CACNA2D1: variants seen among roughly 807,000 people sequenced by gnomAD.
CACNA2D1 encodes calcium voltage-gated channel auxiliary subunit alpha2delta 1.
In CACNA2D1, 53 loss-of-function variants were observed where a neutral mutation model predicts 171.5. The ratio of observed to expected loss-of-function variants is 0.31; its 90% CI spans 0.25 to 0.39. The LOEUF (loss-of-function observed/expected upper bound fraction) is 0.39. Ranked by LOEUF, CACNA2D1 falls within the 10% of genes least tolerant of loss-of-function variation. The pLI, the probability that CACNA2D1 is intolerant of heterozygous loss-of-function variation, is 1.00. For synonymous variants in CACNA2D1, 442 were observed against 443.1 expected (o/e 1.00, Z 0.03); for missense variants, 903 against 1,299.8 (o/e 0.69, Z 4.69).
intron 38 of CACNA2D1, among the ~76,000 whole-genome samples, chr7:81,954,011 T>C (rs1463399878): frequency 6.6e-6 from 1 of 152,094 alleles, no homozygotes; most frequent in Admixed American, 6.6e-5. Context: ...CACTGAAAAA[T>C]GTGTCTTTTA....
At position 82,233,919 on chromosome 7, in the gene CACNA2D1, T is replaced by C. The variant is rs181383647; in HGVS notation, c.295-63310A>G. ...ATTTTTTCTAAGTATATAAAGTTGT[T>C]TCCATAGGTAGGATACAAACCCTCA... On this transcript the variant is annotated intron_variant, in intron 3 of 38. Coordinates refer to ENST00000356860, the MANE Select transcript of CACNA2D1 (RefSeq NM_000722.4). 3.9e-5 allele frequency among the ~76,000 whole-genome samples: 6 copies of C among 152,238 alleles called. No homozygotes were observed. The East Asian group carries it at 9.6e-4, about 24-fold the overall frequency.
chr7:82,183,074 A>C (rs1797319312), intron 3 of CACNA2D1, among the ~76,000 whole-genome samples: 1 of 151,746 alleles, frequency 6.6e-6, no homozygotes, highest in South Asian at 2.1e-4. Flanking sequence ...GGAAGGGTAG[A>C]TAAAATCAAC....
intron 12 of CACNA2D1, among the ~76,000 whole-genome samples, chr7:82,023,278 G>T (rs1281057709): frequency 1.3e-5 from 2 of 151,908 alleles, no homozygotes; most frequent in Non-Finnish European, 2.9e-5. Flanking sequence ...TGTGTGAGGA[G>T]ATTAACATGG....
At chr7:82,106,968 C>G (rs558466899) in intron 6 of CACNA2D1, among the ~76,000 whole-genome samples, 3 of 152,288 alleles carry the variant, frequency 2.0e-5, no homozygotes, top group African/African-American at 7.2e-5. Context: ...TCTTAACTCA[C>G]TGAATGTCCT....
intron 5 of CACNA2D1, among the ~76,000 whole-genome samples, chr7:82,124,733 C>T (rs1790137419): frequency 6.6e-6 from 1 of 152,134 alleles, no homozygotes; most frequent in African/African-American, 2.4e-5. Flanking sequence ...TCTTTCATTG[C>T]TTTCTGCATT....
chr7:82,231,642 A>AT (rs1033359984), intron 3 of CACNA2D1, among the ~76,000 whole-genome samples: 1 of 152,116 alleles, frequency 6.6e-6, no homozygotes, highest in Non-Finnish European at 1.5e-5. Context: ...ACTAGATCAG[A>AT]TTTTTTTAAA....
chr7:82,026,316 C>A (rs755144009), intron 12 of CACNA2D1, among the ~76,000 whole-genome samples: 9 of 151,286 alleles, frequency 5.9e-5, no homozygotes, highest in Non-Finnish European at 1.2e-4. Context: ...TTATTAATGT[C>A]ATTTTGTTAT....
intron 1 of CACNA2D1, among the ~76,000 whole-genome samples, chr7:82,386,267 CTT>C (rs1163008796): frequency 1.3e-5 from 2 of 152,162 alleles, no homozygotes. Flanking sequence ...ATTCTCAACT[CTT>C]ACTTTGAGCT....
At chr7:82,205,581 A>G (rs1799931384) in intron 3 of CACNA2D1, among the ~76,000 whole-genome samples, 2 of 152,184 alleles carry the variant, frequency 1.3e-5, no homozygotes, top group South Asian at 2.1e-4. Context: ...ACACACACAC[A>G]TATTTGCTAT....
intron 18 of CACNA2D1, among the ~76,000 whole-genome samples, chr7:82,004,929 A>C (rs1313732829): frequency 6.6e-6 from 1 of 152,176 alleles, no homozygotes; most frequent in Non-Finnish European, 1.5e-5. Flanking sequence ...GAAGCCCATC[A>C]CATGGATTTT....
At chr7:82,362,031 T>A (rs1261433186) in intron 1 of CACNA2D1, among the ~76,000 whole-genome samples, 1 of 152,182 alleles carries the variant, frequency 6.6e-6, no homozygotes, top group African/African-American at 2.4e-5. Context: ...AACTGAATCA[T>A]ATTCAATCAT....
At position 82,125,975 on chromosome 7, in the gene CACNA2D1, T is replaced by G. The variant is rs562602499; in HGVS notation, c.397-8802A>C. Among the ~76,000 whole-genome samples, 24 of 152,324 alleles carry G rather than the reference T, an allele frequency of 1.6e-4. No homozygotes were observed. The South Asian group carries it at 5.0e-3, about 32-fold the overall frequency. On this transcript the variant is annotated intron_variant, in intron 5 of 38. Transcript: ENST00000356860. ...ATGCTAAGATCACTTCCACTTAAGT[T>G]GTAATGATATTAATAATTAATGTTT...
intron 3 of CACNA2D1, among the ~76,000 whole-genome samples, chr7:82,261,485 C>T (rs143226145): frequency 0.013 from 1,988 of 152,248 alleles, 32 homozygotes; most frequent in Middle Eastern, 0.065. Flanking sequence ...AGTCTGCTTT[C>T]AGGTACCATT....
chr7:82,168,552 T>C (rs368114399), intron 4 of CACNA2D1, among the ~76,000 whole-genome samples: 7 of 152,254 alleles, frequency 4.6e-5, no homozygotes, highest in African/African-American at 1.7e-4. Flanking sequence ...AATTTAGAGT[T>C]TTTGTATTGT....
intron 3 of CACNA2D1, among the ~76,000 whole-genome samples, chr7:82,239,311 T>TA (rs553716378): frequency 0.02 from 2,891 of 141,948 alleles, 54 homozygotes; most frequent in African/African-American, 0.049. Flanking sequence ...TGTACTGTTC[T>TA]AAAAAAAAAA....
At chr7:82,095,415 T>C (rs1811737714) in intron 6 of CACNA2D1, among the ~76,000 whole-genome samples, 1 of 152,192 alleles carries the variant, frequency 6.6e-6, no homozygotes, top group South Asian at 2.1e-4. Context: ...AGGCACCACG[T>C]TATTTTCCCT....
At chr7:82,217,859 A>T (rs926762353) in intron 3 of CACNA2D1, among the ~76,000 whole-genome samples, 18 of 145,436 alleles carry the variant, frequency 1.2e-4, no homozygotes, top group Middle Eastern at 3.6e-3. Context: ...ATGTACTGAA[A>T]TTTTTTTTTT....
intron 5 of CACNA2D1, among the ~76,000 whole-genome samples, chr7:82,132,071 T>G (rs1189535632): frequency 6.6e-6 from 1 of 152,168 alleles, no homozygotes; most frequent in Non-Finnish European, 1.5e-5. Context: ...GTTCTTGACT[T>G]TCACTGTAAT....
intron 4 of CACNA2D1, among the ~76,000 whole-genome samples, chr7:82,145,030 G>GT (rs1332003846): frequency 7.3e-5 from 11 of 151,526 alleles, no homozygotes; most frequent in Non-Finnish European, 3.0e-5. Flanking sequence ...AAACACATGT[G>GT]TTTTTTGACA....
Sources: allele counts gnomAD v4.1 joint callset (sites outside exome capture counted in the v4.1 genomes callset), GRCh38; gene constraint gnomAD v4.1.1; transcripts MANE v1.5; gene names NCBI Gene and HGNC (gene_info 2026-07-23, HGNC 2026-07-21).